The following PPP1R12A variants were observed in gnomAD, a reference collection of about 807,000 sequenced individuals.
PPP1R12A encodes the protein myosin binding subunit.
PPP1R12A carries 19 observed loss-of-function variants against 139.6 expected under a neutral mutation model. That is an observed-to-expected ratio of 0.14 (90% CI 0.09 to 0.20). The LOEUF is 0.20. Among genes scored for constraint, PPP1R12A ranks in the 10% least tolerant of loss-of-function variants. The probability of loss-of-function intolerance (pLI) is 1.00; values close to 1 mark genes in which losing one functional copy is unlikely to be tolerated. For synonymous variants in PPP1R12A, 427 were observed against 420.6 expected, an observed-to-expected ratio of 1.02 and a Z score of -0.19; for missense variants, 925 against 1,211.5, an observed-to-expected ratio of 0.76 and a Z score of 3.51.
intron 2 of PPP1R12A, among the ~76,000 whole-genome samples, 162 bp from the exon 3 acceptor site, chr12:79,845,582 G>A (rs1391764683): frequency 1.3e-5 from 2 of 152,220 alleles, no homozygotes; most frequent in South Asian, 2.1e-4. Context: ...AGTGGCTCAC[G>A]CCTGTAATCC....
At chr12:79,871,847 T>C (rs948894657) in intron 2 of PPP1R12A, among the ~76,000 whole-genome samples, 1 of 152,200 alleles carries the variant, frequency 6.6e-6, no homozygotes, top group East Asian at 1.9e-4. Flanking sequence ...CACTGCTGTT[T>C]TGCAACGGGA....
At chr12:79,881,731 T>C (rs1883657052) in intron 1 of PPP1R12A, among the ~76,000 whole-genome samples, 1 of 152,210 alleles carries the variant, frequency 6.6e-6, no homozygotes, top group Non-Finnish European at 1.5e-5. Context: ...GAAGATGACA[T>C]GTAGCACTTT....
chr12:79,903,240 C>T (rs1219098318), intron 1 of PPP1R12A, among the ~76,000 whole-genome samples: 1 of 152,042 alleles, frequency 6.6e-6, no homozygotes, highest in Non-Finnish European at 1.5e-5. Flanking sequence ...ATCACAAAGT[C>T]AAGAGTTCAA....
At chr12:79,795,886 T>G in intron 17 of PPP1R12A, 127 bp from the exon 18 acceptor site, 12 of 759,088 alleles carry the variant, frequency 1.6e-5, no homozygotes, top group Non-Finnish European at 2.4e-5. Context: ...AGGCAGCTGC[T>G]ACTACTTAGC....
rs747696499 is a variant in PPP1R12A, at chr12:79,798,487, A to G, written c.2091+7T>C. 2 of 1,505,818 alleles carry G rather than the reference A, an allele frequency of 1.3e-6. No homozygotes were observed. The highest frequency in any genetic ancestry group is 9.0e-7 in the Non-Finnish European group (1 of 1,106,598). The allele number at this position is 1,505,818 out of a possible 1,614,324, so 93.3% of individuals were successfully genotyped here. A position where few individuals can be genotyped will look rare whatever the true frequency, so the allele number is the denominator to read the frequency against. ...TAAGTTTTATATATTAATTACATTAACTATACCTGTGTTGATCTTCTAGAT... is the reference window on the plus strand; with the variant it reads ...TAAGTTTTATATATTAATTACATTAGCTATACCTGTGTTGATCTTCTAGAT... On this transcript the variant is annotated splice_region_variant and intron_variant, in intron 15 of 24. Transcript: ENST00000450142.
chr12:79,880,715 G>C (rs1883560268), intron 1 of PPP1R12A, among the ~76,000 whole-genome samples: 1 of 152,010 alleles, frequency 6.6e-6, no homozygotes, highest in African/African-American at 2.4e-5. Flanking sequence ...GAAGAGGAAA[G>C]GGCCTGAGCT....
At chr12:79,807,403 A>G in intron 11 of PPP1R12A, 73 bp from the exon 12 acceptor site, 1 of 892,590 alleles carries the variant, frequency 1.1e-6, no homozygotes, top group Non-Finnish European at 1.7e-6. Context: ...ACACTAGTAA[A>G]TATTAGTATA....
At chr12:79,897,265 G>C (rs1297836799) in intron 1 of PPP1R12A, among the ~76,000 whole-genome samples, 1 of 152,160 alleles carries the variant, frequency 6.6e-6, no homozygotes, top group Non-Finnish European at 1.5e-5. Flanking sequence ...TGCAGGTGAA[G>C]GCCATTATCC....
chr12:79,799,237 C>T (rs1872814196), intron 14 of PPP1R12A, among the ~76,000 whole-genome samples: 1 of 152,120 alleles, frequency 6.6e-6, no homozygotes, highest in South Asian at 2.1e-4. Context: ...TAACCTCTGC[C>T]TCCCGGGTTC....
chr12:79,912,012 C>G (rs1274094354), intron 1 of PPP1R12A, among the ~76,000 whole-genome samples: 1 of 152,130 alleles, frequency 6.6e-6, no homozygotes, highest in East Asian at 1.9e-4. Flanking sequence ...TTTGCTATAC[C>G]ATTCTTCTCA....
chr12:79,781,702 T>G lies in PPP1R12A; in HGVS notation c.2955+113A>C, dbSNP rs952274782. ...GCAAAATACATTAACTCAATAAATA[T>G]TTAAACTAATTAAAACTGTCATCCA... On this transcript the variant is annotated intron_variant, in intron 23 of 24. Transcript: ENST00000450142. 1.1e-5 allele frequency: 6 copies of G among 560,186 alleles called. No individual in the cohort carries two copies. The African/African-American group carries it at 1.1e-4, about 11-fold the overall frequency. 34.7% of individuals were successfully genotyped at this position (560,186 alleles called of 1,614,324 possible).
At chr12:79,920,021 C>A (rs78480665) in intron 1 of PPP1R12A, among the ~76,000 whole-genome samples, 2,185 of 152,318 alleles carry the variant, frequency 0.014, 43 homozygotes, top group East Asian at 0.065. Flanking sequence ...CAGTTATTCA[C>A]CAACTCCCCT....
rs1869484324 is a variant in PPP1R12A at position 79,773,847 on chromosome 12, T to C, written c.*2082A>G. 6.6e-6 allele frequency: 1 copy of C among 152,244 alleles called. No individual in the cohort carries two copies. Among genetic ancestry groups the C allele is most frequent in the South Asian group, 2.1e-4 (1 of 4,828 alleles). The allele number at this position is 152,244 out of a possible 1,614,324, so 9.4% of individuals were successfully genotyped here. On this transcript the variant is annotated 3_prime_UTR_variant, in exon 25 of 25. Transcript: ENST00000450142. ...AAAATAGTTTTATTCATTTTATTTG[T>C]ATATGTCAAAATACATTTTTATTTC... is the stretch of plus-strand genomic sequence containing the variant.
chr12:79,817,409 T>G lies in PPP1R12A; in HGVS notation c.1224A>C (p.Thr408=). The G allele has an allele frequency of 6.2e-7, 1 of 1,612,006 alleles. No homozygotes were observed. The change falls in exon 9 of 25, where the codon ACA becomes ACC. Residue 408 remains threonine (T), a synonymous_variant. Transcript: ENST00000450142. ...TTTGGCTTACCTTTTTAATAGGTGATGTAGGTGTTGCTTGACCTGATGACA... is the reference window on the plus strand; with the variant it reads ...TTTGGCTTACCTTTTTAATAGGTGAGGTAGGTGTTGCTTGACCTGATGACA... The part of the protein sequence containing the change: ...PTVSSGQATP[T]SPIKKFPTTA...
Position 79,844,173 on chromosome 12 carries a change from CTT to C in PPP1R12A, c.487+1127_487+1128del, listed in dbSNP as rs200582953. Among the ~76,000 whole-genome samples the C allele has an allele frequency of 5.0e-3, 757 of 152,224 alleles. 7 individuals are homozygous for C. The highest frequency in any genetic ancestry group is 0.016 in the African/African-American group (673 of 41,532). ...AATCAACTTTAGAATACTCATCACT[CTT>C]GAGTAATGAAACTCTGTGCCCGTTA... On this transcript the variant is annotated intron_variant, in intron 3 of 24. Coordinates refer to ENST00000450142, the MANE Select transcript of PPP1R12A (RefSeq NM_002480.3).
At chr12:79,902,622 A>G (rs1885751914) in intron 1 of PPP1R12A, among the ~76,000 whole-genome samples, 1 of 152,216 alleles carries the variant, frequency 6.6e-6, no homozygotes, top group Non-Finnish European at 1.5e-5. Context: ...AGGTGTATAT[A>G]TTAAACTCAC....
Position 79,774,725 on chromosome 12 carries a change from G to T in PPP1R12A, c.*1204C>A, listed in dbSNP as rs1325201616. ...TGCCTCTTCACATGGCAATAACAGT[G>T]CATTTAACATTAACTCACGGGTTAA... On this transcript the variant is annotated 3_prime_UTR_variant, in exon 25 of 25. Coordinates refer to ENST00000450142, the MANE Select transcript of PPP1R12A (RefSeq NM_002480.3). 1 of 152,000 alleles carries T rather than the reference G, an allele frequency of 6.6e-6. No homozygotes were observed. Among genetic ancestry groups the T allele is most frequent in the Non-Finnish European group, 1.5e-5 (1 of 67,934 alleles). 9.4% of individuals were successfully genotyped at this position (152,000 alleles called of 1,614,324 possible).
Position 79,821,124 on chromosome 12 carries a change from A to T in PPP1R12A, c.910T>A (p.Ser304Thr). 2 of 1,613,304 alleles carry T rather than the reference A, an allele frequency of 1.2e-6. No homozygotes were observed. The highest frequency in any genetic ancestry group is 2.2e-5 in the South Asian group (2 of 91,030). The change falls in exon 7 of 25, where the codon TCA becomes ACA. Residue 304 changes from serine to threonine, a missense_variant. This residue lies in a region of PPP1R12A where 403 missense variants were observed against 463.7 expected (regional missense o/e 0.87). Coordinates refer to ENST00000450142, the MANE Select transcript of PPP1R12A (RefSeq NM_002480.3). ...TGATTATTGTCCATATTTGCTGTTG[A>T]TTCAATTAGTGGAGATTTCTTGTCC... ...KRDKKSPLIESTANMDNNQSQ... is the reference protein window; with the variant it reads ...KRDKKSPLIETTANMDNNQSQ...
intron 14 of PPP1R12A, among the ~76,000 whole-genome samples, chr12:79,802,093 TAA>T (rs1170742571): frequency 3.3e-5 from 5 of 152,186 alleles, no homozygotes; most frequent in African/African-American, 1.2e-4. Context: ...TTCTGGGATA[TAA>T]GAGGGGCTTG....
Sources: allele counts gnomAD v4.1 joint callset (sites outside exome capture counted in the v4.1 genomes callset), GRCh38; gene constraint gnomAD v4.1.1; regional missense constraint gnomAD v4.1.1; transcripts MANE v1.5; gene names NCBI Gene and HGNC (gene_info 2026-07-23, HGNC 2026-07-21).